The following NALF1 variants were observed in gnomAD, a reference collection of about 807,000 sequenced individuals.
NALF1 encodes family with sequence similarity 155 member A.
NALF1 carries 3 observed loss-of-function variants against 48.4 expected under a neutral mutation model. The observed-to-expected ratio is 0.06, with a 90% CI of 0.03 to 0.16. NALF1 has a LOEUF of 0.16. Ranked by LOEUF, NALF1 falls within the 10% of genes least tolerant of loss-of-function variation. The pLI is 1.00. For synonymous variants in NALF1, 262 were observed against 245.7 expected, an observed-to-expected ratio of 1.07 and a Z score of -0.62; for missense variants, 526 against 571.5, an observed-to-expected ratio of 0.92 and a Z score of 0.81.
At chr13:107,837,249 T>C (rs150460464) in intron 1 of NALF1, among the ~76,000 whole-genome samples, 257 of 152,282 alleles carry the variant, frequency 1.7e-3, no homozygotes, top group Admixed American at 3.5e-3. Flanking sequence ...AAAGAAAATA[T>C]TGTAGTTGAA....
At chr13:107,724,564 T>C (rs1000869767) in intron 1 of NALF1, among the ~76,000 whole-genome samples, 2 of 151,422 alleles carry the variant, frequency 1.3e-5, no homozygotes, top group Non-Finnish European at 2.9e-5. Flanking sequence ...CCCTTCCTTT[T>C]ACTTTGCTCG....
At chr13:107,516,167 C>G (rs761574006) in intron 1 of NALF1, among the ~76,000 whole-genome samples, 4 of 152,148 alleles carry the variant, frequency 2.6e-5, no homozygotes, top group Non-Finnish European at 5.9e-5. Context: ...TGGCTGACAT[C>G]TGATCCACAT....
chr13:107,196,563 C>T (rs1879397173), intron 2 of NALF1, among the ~76,000 whole-genome samples: 1 of 152,054 alleles, frequency 6.6e-6, no homozygotes, highest in Non-Finnish European at 1.5e-5. Context: ...ACCTAGGGGA[C>T]ATTATGTTAA....
intron 1 of NALF1, among the ~76,000 whole-genome samples, chr13:107,805,685 T>A (rs996087158): frequency 1.3e-5 from 2 of 152,242 alleles, no homozygotes; most frequent in African/African-American, 4.8e-5. Context: ...TATTTAATCC[T>A]ATGTGCGGTT....
chr13:107,831,146 A>G (rs1879712186), intron 1 of NALF1, among the ~76,000 whole-genome samples: 1 of 152,222 alleles, frequency 6.6e-6, no homozygotes, highest in South Asian at 2.1e-4. Context: ...TGAATAAGAA[A>G]TTTTCATTAT....
intron 1 of NALF1, among the ~76,000 whole-genome samples, chr13:107,386,659 C>T (rs1424386732): frequency 6.6e-6 from 1 of 152,192 alleles, no homozygotes; most frequent in Admixed American, 6.5e-5. Context: ...TGACCTCAAA[C>T]TTTAATATGC....
chr13:107,525,882 T>G (rs1445635132), intron 1 of NALF1, among the ~76,000 whole-genome samples: 1 of 152,174 alleles, frequency 6.6e-6, no homozygotes, highest in East Asian at 1.9e-4. Context: ...AATTGCATTT[T>G]TGTAATGGCT....
chr13:107,528,218 T>C (rs1876506932), intron 1 of NALF1, among the ~76,000 whole-genome samples: 1 of 151,986 alleles, frequency 6.6e-6, no homozygotes, highest in South Asian at 2.1e-4. Context: ...ATGTTAGACC[T>C]ATTAGAAAAA....
chr13:107,230,495 T>C (rs537776432), intron 1 of NALF1, among the ~76,000 whole-genome samples: 46 of 152,236 alleles, frequency 3.0e-4, no homozygotes, highest in Non-Finnish European at 4.7e-4. Context: ...TCTCCATCCA[T>C]CCTCATTATT....
rs1009178154 is a variant in NALF1 at position 107,468,017 on chromosome 13, C to T, written c.916-257262G>A. Among the ~76,000 whole-genome samples the T allele has an allele frequency of 2.8e-5, 4 of 144,176 alleles. No homozygotes were observed. The Middle Eastern group carries it at 0.015, about 534-fold the overall frequency. The allele number at this position is 144,176 out of a possible 152,430, so 94.6% of individuals were successfully genotyped here. On this transcript the variant is annotated intron_variant, in intron 1 of 2. Transcript: ENST00000375915. ...GAACTGAGATCGCGCCACTGCCCTC[C>T]AGCCTGGGCGACAGAGCGAGACTCC...
intron 1 of NALF1, among the ~76,000 whole-genome samples, chr13:107,347,354 T>A (rs977583573): frequency 2.6e-5 from 4 of 152,218 alleles, no homozygotes; most frequent in Non-Finnish European, 5.9e-5. Flanking sequence ...TCAGCCCTGC[T>A]GAAACAAGCA....
At chr13:107,264,420 T>C (rs1881000362) in intron 1 of NALF1, among the ~76,000 whole-genome samples, 1 of 152,222 alleles carries the variant, frequency 6.6e-6, no homozygotes, top group Non-Finnish European at 1.5e-5. Flanking sequence ...CTCTCCTTCA[T>C]AGCTACTGCT....
intron 1 of NALF1, among the ~76,000 whole-genome samples, chr13:107,502,263 T>C (rs1473598925): frequency 6.6e-6 from 1 of 152,178 alleles, no homozygotes; most frequent in Admixed American, 6.6e-5. Flanking sequence ...CAAAAGGGAC[T>C]TTTAAGAGAT....
chr13:107,291,836 A>C (rs1881627103), intron 1 of NALF1, among the ~76,000 whole-genome samples: 1 of 152,222 alleles, frequency 6.6e-6, no homozygotes, highest in African/African-American at 2.4e-5. Context: ...ATCTCAACTA[A>C]ATATTGTAGA....
At chr13:107,401,367 C>T (rs2138991669) in intron 1 of NALF1, among the ~76,000 whole-genome samples, 1 of 152,308 alleles carries the variant, frequency 6.6e-6, no homozygotes. Context: ...AAAGGGGTTA[C>T]TACCATATTC....
Position 107,170,887 on chromosome 13 carries a change from A to G in NALF1, c.1088-101T>C, listed in dbSNP as rs1183853369. The G allele has an allele frequency of 7.6e-6, 8 of 1,046,330 alleles. No homozygotes were observed. The East Asian group carries it at 2.0e-4, about 26-fold the overall frequency. 64.8% of individuals were successfully genotyped at this position (1,046,330 alleles called of 1,614,324 possible). A position where few individuals can be genotyped will look rare whatever the true frequency, so the allele number is the denominator to read the frequency against. ...AACATTCTAACCCACAAAATCTTAC[A>G]GGCAATTAGACATTTATTTAAAGGA... On this transcript the variant is annotated intron_variant, in intron 2 of 2. Coordinates refer to ENST00000375915, the MANE Select transcript of NALF1 (RefSeq NM_001080396.3).
chr13:107,612,820 T>C (rs942311245), intron 1 of NALF1, among the ~76,000 whole-genome samples: 2 of 152,262 alleles, frequency 1.3e-5, no homozygotes, highest in Admixed American at 6.5e-5. Flanking sequence ...TCTTCCATAA[T>C]CACACGAGAC....
At chr13:107,214,261 T>C (rs1400112406) in intron 1 of NALF1, among the ~76,000 whole-genome samples, 1 of 152,154 alleles carries the variant, frequency 6.6e-6, no homozygotes. Context: ...GAAGAACAAA[T>C]TGACTAAATC....
At position 107,278,424 on chromosome 13, in the gene NALF1, C is replaced by T. The variant is rs142524355; in HGVS notation, c.916-67669G>A. Among the ~76,000 whole-genome samples the T allele has an allele frequency of 1.8e-4, 28 of 152,234 alleles. No homozygotes were observed. In the East Asian group the frequency reaches 5.0e-3, roughly 27 times the overall value. On this transcript the variant is annotated intron_variant, in intron 1 of 2. Coordinates refer to ENST00000375915, the MANE Select transcript of NALF1 (RefSeq NM_001080396.3). ...ATGTAAGGCATCAGACTGTAAGCTC[C>T]CTGGAATTAAGGATTATATGGGGTT...
Sources: gnomAD v4.1 joint callset for allele counts (sites outside exome capture counted in the v4.1 genomes callset) on GRCh38, gnomAD v4.1.1 for gene constraint, MANE v1.5 for transcripts, NCBI Gene and HGNC (gene_info 2026-07-23, HGNC 2026-07-21) for gene names.